Variants in ALDH1A1 observed in about 807,000 individuals in gnomAD.
ALDH1A1 encodes the protein aldehyde dehydrogenase 1 family member A1.
ALDH1A1 carries 19 observed loss-of-function variants against 62.1 expected under a neutral mutation model. The observed-to-expected ratio is 0.31, with a 90% CI of 0.21 to 0.45. The LOEUF is 0.45. Ranked by LOEUF, ALDH1A1 falls within the 20% of genes least tolerant of loss-of-function variation. ALDH1A1 has a pLI of 1.00. For synonymous variants in ALDH1A1, 231 were observed against 215.9 expected, an observed-to-expected ratio of 1.07 and a Z score of -0.61; for missense variants, 521 against 607.1, an observed-to-expected ratio of 0.86 and a Z score of 1.49.
chr9:72,912,440 G>A (rs759566603), intron 9 of ALDH1A1, among the ~76,000 whole-genome samples: 40 of 152,232 alleles, frequency 2.6e-4, no homozygotes, highest in Admixed American at 1.1e-3. Context: ...AGAAATGCCT[G>A]TTAATCTAAA....
At chr9:72,908,564 A>AAAGAAAAGAAAG (rs1829923883) in intron 11 of ALDH1A1, among the ~76,000 whole-genome samples, 6 of 22,032 alleles carry the variant, frequency 2.7e-4, no homozygotes, top group Non-Finnish European at 6.0e-4. Context: ...AGAAAGAAAG[A>AAAGAAAAGAAAG]AAGAAAGAAA....
chr9:72,919,902 A>G (rs562156367), intron 7 of ALDH1A1, among the ~76,000 whole-genome samples: 1 of 152,232 alleles, frequency 6.6e-6, no homozygotes, highest in Non-Finnish European at 1.5e-5. Context: ...ATCACTTCCC[A>G]TCAAGATTAT....
chr9:72,932,130 C>G (rs370071396), intron 2 of ALDH1A1, among the ~76,000 whole-genome samples: 4 of 152,186 alleles, frequency 2.6e-5, no homozygotes, highest in African/African-American at 9.7e-5. Context: ...TTCCAGTGTT[C>G]TTTTGTACAT....
intron 9 of ALDH1A1, among the ~76,000 whole-genome samples, chr9:72,912,776 A>G (rs957531611): frequency 6.6e-6 from 1 of 152,194 alleles, no homozygotes; most frequent in Admixed American, 6.6e-5. Context: ...ACATCTAACT[A>G]TGTGCCAAGT....
intron 3 of ALDH1A1, among the ~76,000 whole-genome samples, chr9:72,930,139 G>T (rs924418688): frequency 5.9e-5 from 9 of 151,948 alleles, no homozygotes; most frequent in Non-Finnish European, 1.2e-4. Context: ...CCTGATCTTG[G>T]TATTTGTTTA....
At chr9:72,931,127 T>G in intron 2 of ALDH1A1, 108 bp from the exon 3 acceptor site, 1 of 1,228,792 alleles carries the variant, frequency 8.1e-7, no homozygotes, top group Non-Finnish European at 1.1e-6. Flanking sequence ...GCAGGCACTG[T>G]GTCTCCATTA....
At chr9:72,936,774 G>T (rs1327235444) in intron 2 of ALDH1A1, among the ~76,000 whole-genome samples, 1 of 152,130 alleles carries the variant, frequency 6.6e-6, no homozygotes, top group African/African-American at 2.4e-5. Flanking sequence ...GATCACCACA[G>T]TACAGTTTTC....
intron 2 of ALDH1A1, among the ~76,000 whole-genome samples, chr9:72,936,247 A>C (rs1291774687): frequency 1.3e-5 from 2 of 152,198 alleles, no homozygotes; most frequent in African/African-American, 4.8e-5. Flanking sequence ...TTTAGGAAGG[A>C]GGTAAATCCC....
chr9:72,942,658 C>A (rs1008487640), intron 1 of ALDH1A1, among the ~76,000 whole-genome samples: 1 of 152,100 alleles, frequency 6.6e-6, no homozygotes, highest in African/African-American at 2.4e-5. Context: ...ACATGCTTTT[C>A]CAGTCTTTTG....
intron 4 of ALDH1A1, among the ~76,000 whole-genome samples, chr9:72,928,360 A>G (rs1385013681): frequency 6.6e-6 from 1 of 152,212 alleles, no homozygotes; most frequent in African/African-American, 2.4e-5. Context: ...CTTAGGCTGC[A>G]AACACAGTCC....
At chr9:72,909,890 G>A in intron 10 of ALDH1A1, 131 bp from the exon 11 acceptor site, 1 of 713,210 alleles carries the variant, frequency 1.4e-6, no homozygotes, top group Non-Finnish European at 2.1e-6. Context: ...AAACCTATGT[G>A]TGAGAATCCA....
intron 1 of ALDH1A1, 27 bp from the exon 2 acceptor site, chr9:72,940,279 C>A (rs778838046): frequency 6.4e-7 from 1 of 1,559,938 alleles, no homozygotes; most frequent in Non-Finnish European, 8.8e-7. Flanking sequence ...AAAATACATA[C>A]AAGGCGCTTA....
chr9:72,928,943 G>C lies in ALDH1A1; in HGVS notation c.391C>G (p.Arg131Gly). 6.2e-7 allele frequency: 1 copy of C among 1,613,898 alleles called. No homozygotes were observed. The highest frequency in any genetic ancestry group is 8.5e-7 in the Non-Finnish European group (1 of 1,179,926). ...TTGTCAGCCCAACCTGCACAGTAGC[G>C]CAATGTTTTGATGCAGCCTGCTAAA... ...NDLAGCIKTL[R>G]YCAGWADKIQ... The change falls in exon 4 of 13, where the codon CGC becomes GGC. Residue 131 changes from arginine (R) to glycine (G), a missense_variant. Coordinates refer to ENST00000297785, the MANE Select transcript of ALDH1A1 (RefSeq NM_000689.5).
At chr9:72,933,758 C>T (rs549482179) in intron 2 of ALDH1A1, among the ~76,000 whole-genome samples, 2 of 152,216 alleles carry the variant, frequency 1.3e-5, no homozygotes, top group African/African-American at 2.4e-5. Context: ...GTTGTCCTAG[C>T]AGTTAAAACT....
In ALDH1A1 at chr9:72,900,786, G is replaced by A. The variant is rs1295935256; in HGVS notation, c.*422C>T. Reference sequence around the variant, plus strand: ...TAGGAAACTTTTCAAAACAGTCCAAGGACTTTATAACTACTGGGAACAGAG... The same window carrying A: ...TAGGAAACTTTTCAAAACAGTCCAAAGACTTTATAACTACTGGGAACAGAG... On this transcript the variant is annotated 3_prime_UTR_variant, in exon 13 of 13. Transcript: ENST00000297785. The A allele has an allele frequency of 6.5e-6, 1 of 153,694 alleles. No homozygotes were observed. The highest frequency in any genetic ancestry group is 6.5e-5 in the Admixed American group (1 of 15,414). The allele number at this position is 153,694 out of a possible 1,614,324, so 9.5% of individuals were successfully genotyped here. A position where few individuals can be genotyped will look rare whatever the true frequency, so the allele number is the denominator to read the frequency against.
chr9:72,930,777 T>C, intron 3 of ALDH1A1, 102 bp downstream of exon 3: 1 of 1,387,292 alleles, frequency 7.2e-7, no homozygotes. Context: ...ATTTTGTTTG[T>C]AGAGAGCATA....
intron 2 of ALDH1A1, among the ~76,000 whole-genome samples, chr9:72,934,295 G>A (rs1588141636): frequency 6.6e-6 from 1 of 152,042 alleles, no homozygotes. Context: ...ACAATTTTAG[G>A]CCCTATTATT....
intron 9 of ALDH1A1, among the ~76,000 whole-genome samples, chr9:72,912,811 T>A (rs112240043): frequency 6.6e-6 from 1 of 152,366 alleles, no homozygotes; most frequent in African/African-American, 2.4e-5. Flanking sequence ...ATCGTCTTTA[T>A]TTAAACACTA....
At chr9:72,930,297 A>G (rs8187917) in intron 3 of ALDH1A1, among the ~76,000 whole-genome samples, 303 of 152,206 alleles carry the variant, frequency 2.0e-3, no homozygotes, top group African/African-American at 6.9e-3. Flanking sequence ...TTGATAAACC[A>G]CATTAATAAT....
Sources: gnomAD v4.1 joint callset for allele counts (sites outside exome capture counted in the v4.1 genomes callset) on GRCh38, gnomAD v4.1.1 for gene constraint, MANE v1.5 for transcripts, NCBI Gene and HGNC (gene_info 2026-07-23, HGNC 2026-07-21) for gene names.